Variants in KCNIP3 observed in about 807,000 individuals in gnomAD.
KCNIP3 encodes the protein calsenilin.
A neutral mutation model predicts 35.0 loss-of-function variants in KCNIP3; 28 were observed. The observed-to-expected ratio is 0.80, with a 90% CI of 0.59 to 1.10. KCNIP3 has a LOEUF of 1.10. Among genes scored for constraint, KCNIP3 ranks in the 50% least tolerant of loss-of-function variants. The pLI, the probability that KCNIP3 is intolerant of heterozygous loss-of-function variation, is 0.00. For synonymous variants in KCNIP3, 134 were observed against 133.8 expected (o/e 1.00, Z -0.01); for missense variants, 295 against 338.4 (o/e 0.87, Z 1.01).
chr2:95,359,548 G>A (rs1312177557), intron 2 of KCNIP3, among the ~76,000 whole-genome samples: 1 of 152,174 alleles, frequency 6.6e-6, no homozygotes, highest in African/African-American at 2.4e-5. Context: ...GTTGCTAGCC[G>A]GTCACGCTGG....
chr2:95,344,275 G>C (rs557847174), intron 2 of KCNIP3, among the ~76,000 whole-genome samples: 12 of 85,116 alleles, frequency 1.4e-4, no homozygotes, highest in South Asian at 3.2e-4. Context: ...GTGGCGGGGT[G>C]GGGGGGGGCA....
intron 2 of KCNIP3, among the ~76,000 whole-genome samples, chr2:95,334,932 A>G (rs969051935): frequency 3.3e-5 from 5 of 152,228 alleles, no homozygotes; most frequent in Admixed American, 6.5e-5. Flanking sequence ...GGAATCAAAC[A>G]GGTCACTGAG....
rs1390470577 is a variant in KCNIP3, at chr2:95,376,309, A to G, written c.447+1101A>G. ...TCAGGCAGTAAAGCATCTTTAGGAAACGGTGTAAGGGAGCAGGCGGGGTGC... is the reference window on the plus strand; with the variant it reads ...TCAGGCAGTAAAGCATCTTTAGGAAGCGGTGTAAGGGAGCAGGCGGGGTGC... On this transcript the variant is annotated intron_variant, in intron 5 of 8. Transcript: ENST00000295225. The surrounding 1 kb of genome is among the most constrained non-coding windows in gnomAD (Gnocchi z 4.2). Among the ~76,000 whole-genome samples, 1 of 152,186 alleles carries G rather than the reference A, an allele frequency of 6.6e-6. No homozygotes were observed. The highest frequency in any genetic ancestry group is 2.4e-5 in the African/African-American group (1 of 41,450).
chr2:95,346,534 C>G (rs1335351569), intron 2 of KCNIP3, among the ~76,000 whole-genome samples: 1 of 147,648 alleles, frequency 6.8e-6, no homozygotes, highest in African/African-American at 2.4e-5. Flanking sequence ...GCGCCTAGGC[C>G]AATGAGCGCG....
intron 2 of KCNIP3, among the ~76,000 whole-genome samples, chr2:95,358,257 C>T (rs745883128): frequency 2.4e-4 from 36 of 152,208 alleles, no homozygotes; most frequent in South Asian, 4.2e-4. Context: ...CATGGGGTGG[C>T]GAAAAAGTGC....
chr2:95,321,231 A>G (rs1179908039), intron 2 of KCNIP3, among the ~76,000 whole-genome samples: 2 of 152,132 alleles, frequency 1.3e-5, no homozygotes, highest in Non-Finnish European at 2.9e-5. Context: ...GCAGCACCTT[A>G]GTGTGGCCTG....
At chr2:95,381,241 ACACATGCG>A (rs1415424960) in intron 5 of KCNIP3, among the ~76,000 whole-genome samples, 3 of 152,202 alleles carry the variant, frequency 2.0e-5, no homozygotes, top group Admixed American at 2.0e-4. Context: ...ACACATGCAG[ACACATGCG>A]CATGCACTCA....
chr2:95,361,404 C>T (rs1679795765), intron 2 of KCNIP3, among the ~76,000 whole-genome samples: 1 of 152,168 alleles, frequency 6.6e-6, no homozygotes, highest in Admixed American at 6.5e-5. Flanking sequence ...CTGTGACACC[C>T]TGTGGCCAGA....
chr2:95,329,698 T>A (rs932220138), intron 2 of KCNIP3, among the ~76,000 whole-genome samples: 71 of 152,354 alleles, frequency 4.7e-4, no homozygotes, highest in African/African-American at 1.7e-3. Flanking sequence ...GACGGGGGTC[T>A]GCTGGGCATG....
chr2:95,321,538 C>T (rs558424617), intron 2 of KCNIP3, among the ~76,000 whole-genome samples: 1 of 152,240 alleles, frequency 6.6e-6, no homozygotes, highest in South Asian at 2.1e-4. Context: ...TGAATTGACA[C>T]AGCGTCATTC....
chr2:95,331,118 G>A (rs896890467), intron 2 of KCNIP3, among the ~76,000 whole-genome samples: 1 of 152,152 alleles, frequency 6.6e-6, no homozygotes, highest in Non-Finnish European at 1.5e-5. Flanking sequence ...CTGATGAGGG[G>A]TGGAGGCTGA....
At chr2:95,348,173 C>G (rs749269073) in intron 2 of KCNIP3, among the ~76,000 whole-genome samples, 1 of 152,248 alleles carries the variant, frequency 6.6e-6, no homozygotes, top group Non-Finnish European at 1.5e-5. Context: ...CCAGAGAGAA[C>G]GGGCTTGCTC....
intron 2 of KCNIP3, among the ~76,000 whole-genome samples, chr2:95,354,410 T>C (rs1324129667): frequency 6.6e-6 from 1 of 152,260 alleles, no homozygotes; most frequent in Non-Finnish European, 1.5e-5. Context: ...CATGGAGTCT[T>C]GGCCCTACCT....
chr2:95,343,232 C>T (rs576341821), intron 2 of KCNIP3, among the ~76,000 whole-genome samples: 2 of 152,140 alleles, frequency 1.3e-5, no homozygotes, highest in Admixed American at 1.3e-4. Context: ...GGCTGAACAG[C>T]TGAGATGGGG....
At chr2:95,318,977 C>G (rs968243171) in intron 2 of KCNIP3, among the ~76,000 whole-genome samples, 3 of 152,350 alleles carry the variant, frequency 2.0e-5, no homozygotes, top group Non-Finnish European at 4.4e-5. Flanking sequence ...CAGCCGCCGG[C>G]AGGGCTGGGC....
At chr2:95,326,100 C>CTT (rs146913070) in intron 2 of KCNIP3, among the ~76,000 whole-genome samples, 1 of 9,318 alleles carries the variant, frequency 1.1e-4, no homozygotes, top group African/African-American at 1.4e-3. Context: ...CACATACACA[C>CTT]ATATACACAT....
At chr2:95,334,286 G>A (rs576492084) in intron 2 of KCNIP3, among the ~76,000 whole-genome samples, 2 of 152,344 alleles carry the variant, frequency 1.3e-5, no homozygotes, top group Admixed American at 1.3e-4. Context: ...GCACTAGTTA[G>A]CATGTCCCAT....
intron 2 of KCNIP3, chr2:95,368,472 A>G (rs1268798382): frequency 1.6e-5 from 3 of 191,764 alleles, no homozygotes; most frequent in Non-Finnish European, 3.3e-5. Context: ...ACAAATCACC[A>G]CTAAAGAACT....
At chr2:95,381,849 T>G (rs1213476434) in intron 6 of KCNIP3, 146 bp downstream of exon 6, 2 of 648,128 alleles carry the variant, frequency 3.1e-6, no homozygotes, top group Non-Finnish European at 2.8e-6. Context: ...CAGCAGCCAG[T>G]GGGCTCTCCT....
Sources: allele counts gnomAD v4.1 joint callset (sites outside exome capture counted in the v4.1 genomes callset), GRCh38; gene constraint gnomAD v4.1.1; non-coding constraint Gnocchi (gnomAD v3.1); transcripts MANE v1.5; gene names NCBI Gene and HGNC (gene_info 2026-07-23, HGNC 2026-07-21).